Variants in FGF12 observed in about 807,000 individuals in gnomAD.
FGF12 encodes the protein fibroblast growth factor 12B.
Under a neutral mutation model 23.6 loss-of-function variants are expected in FGF12, and 14 were observed. That is an observed-to-expected ratio of 0.59 (90% CI 0.39 to 0.93). The LOEUF (loss-of-function observed/expected upper bound fraction) is 0.93, where lower values mean the gene tolerates loss of function less well. Among genes scored for constraint, FGF12 ranks in the 40% least tolerant of loss-of-function variants. The probability of loss-of-function intolerance (pLI) is 0.00; values close to 1 mark genes in which losing one functional copy is unlikely to be tolerated. For missense variants in FGF12, 175 were observed against 217.8 expected (o/e 0.80, Z 1.24); for synonymous variants, 62 against 77.3 (o/e 0.80, Z 1.04).
intron 2 of FGF12, among the ~76,000 whole-genome samples, chr3:192,567,795 T>TTCTTTCTTTC (rs1712402278): frequency 7.0e-6 from 1 of 141,994 alleles, no homozygotes; most frequent in African/African-American, 2.7e-5. Context: ...CTTTCTTTCT[T>TTCTTTCTTTC]TCTTTCTCTT....
intron 4 of FGF12, among the ~76,000 whole-genome samples, chr3:192,307,596 C>A (rs1399251872): frequency 6.6e-6 from 1 of 152,048 alleles, no homozygotes; most frequent in Non-Finnish European, 1.5e-5. Context: ...TAAAACAAAC[C>A]AAACAACAAT....
At chr3:192,656,308 CACACACACACACAG>C (rs754675433) in intron 2 of FGF12, among the ~76,000 whole-genome samples, 44 of 94,112 alleles carry the variant, frequency 4.7e-4, no homozygotes, top group Admixed American at 3.1e-3. Flanking sequence ...CACACACACA[CACACACACACACAG>C]AGAGAGAATT....
rs974881739 is a variant in FGF12, at chr3:192,140,171, CATATA to C, written c.*3833_*3837del. 21 of 152,114 alleles carry C rather than the reference CATATA, an allele frequency of 1.4e-4. No homozygotes were observed. The highest frequency in any genetic ancestry group is 2.6e-4 in the African/African-American group (11 of 41,532). The allele number at this position is 152,114 out of a possible 1,614,324, so 9.4% of individuals were successfully genotyped here. A position where few individuals can be genotyped will look rare whatever the true frequency, so the allele number is the denominator to read the frequency against. On this transcript the variant is annotated 3_prime_UTR_variant, in exon 6 of 6. Coordinates refer to ENST00000445105, the MANE Select transcript of FGF12 (RefSeq NM_004113.6). ...AAAGACCACAAATCAAATAAAAACT[CATATA>C]ATATATCCTTATTTCAGAAGCATAT... is the stretch of plus-strand genomic sequence containing the variant.
chr3:192,617,011 T>C (rs921763887), intron 2 of FGF12, among the ~76,000 whole-genome samples: 2 of 151,950 alleles, frequency 1.3e-5, no homozygotes, highest in Admixed American at 6.6e-5. Context: ...AGGTTAAAAG[T>C]ATATTTTTTC....
At chr3:192,202,315 A>C (rs971973265) in intron 4 of FGF12, among the ~76,000 whole-genome samples, 2 of 152,166 alleles carry the variant, frequency 1.3e-5, no homozygotes, top group African/African-American at 2.4e-5. Context: ...ATCTAAACAG[A>C]GTTTTGATGT....
At chr3:192,183,694 T>C (rs1228216606) in intron 4 of FGF12, among the ~76,000 whole-genome samples, 1 of 152,216 alleles carries the variant, frequency 6.6e-6, no homozygotes, top group Non-Finnish European at 1.5e-5. Flanking sequence ...GTCCTCATCA[T>C]AGAATCCTTG....
chr3:192,454,721 A>G (rs1722627147), intron 2 of FGF12, among the ~76,000 whole-genome samples: 2 of 152,194 alleles, frequency 1.3e-5, no homozygotes, highest in Middle Eastern at 3.2e-3. Flanking sequence ...ACACAAAACC[A>G]TTAGCGATAA....
At chr3:192,178,908 A>G (rs1716010772) in intron 4 of FGF12, among the ~76,000 whole-genome samples, 1 of 152,228 alleles carries the variant, frequency 6.6e-6, no homozygotes, top group Admixed American at 6.5e-5. Context: ...ATCTTCCAAC[A>G]CAATTTATAT....
chr3:192,707,761 AAG>A (rs1553848246), intron 2 of FGF12, among the ~76,000 whole-genome samples: 1 of 150,960 alleles, frequency 6.6e-6, no homozygotes, highest in African/African-American at 2.4e-5. Flanking sequence ...AAAAAAAAAA[AAG>A]AATGAGAACA....
Position 192,309,392 on chromosome 3 carries a change from T to A in FGF12, c.228+25969A>T, listed in dbSNP as rs935502959. Among the ~76,000 whole-genome samples, 9 of 152,290 alleles carry A rather than the reference T, an allele frequency of 5.9e-5. No homozygotes were observed. In the East Asian group the frequency reaches 1.7e-3, roughly 29 times the overall value. ...GAAACTGTGGCAACAAAAAACTCCA[T>A]CATCTCTGTGGAGGTACTGTTGGGT... On this transcript the variant is annotated intron_variant, in intron 4 of 5. Coordinates refer to ENST00000445105, the MANE Select transcript of FGF12 (RefSeq NM_004113.6).
In FGF12 at chr3:192,408,269, C is replaced by G. The variant is rs1224370354; in HGVS notation, c.14-47731G>C. 6.6e-7 allele frequency: 1 copy of G among 1,519,702 alleles called. No homozygotes were observed. Among genetic ancestry groups the G allele is most frequent in the East Asian group, 2.3e-5 (1 of 42,690 alleles). The allele number at this position is 1,519,702 out of a possible 1,614,324, so 94.1% of individuals were successfully genotyped here. A position where few individuals can be genotyped will look rare whatever the true frequency, so the allele number is the denominator to read the frequency against. On this transcript the variant is annotated intron_variant, in intron 2 of 5. Transcript: ENST00000445105. This position sits in a 1 kb window ranked among gnomAD's most constrained non-coding sequence, Gnocchi z 7.3. ...AGGCCCCAGCCTCTACTGCGCCCTC[C>G]GGCTTGCGCTCCGCCGGGGCGAGGG...
chr3:192,631,412 A>T (rs1715388325), intron 2 of FGF12, among the ~76,000 whole-genome samples: 1 of 152,230 alleles, frequency 6.6e-6, no homozygotes. Context: ...TCCCACAGCA[A>T]CTGTTTAACT....
At chr3:192,191,493 T>C (rs1455581930) in intron 4 of FGF12, among the ~76,000 whole-genome samples, 1 of 152,170 alleles carries the variant, frequency 6.6e-6, no homozygotes, top group Non-Finnish European at 1.5e-5. Flanking sequence ...ATATGGGATA[T>C]CTTTGTAACT....
intron 2 of FGF12, among the ~76,000 whole-genome samples, chr3:192,535,566 G>A (rs1333193975): frequency 6.6e-6 from 1 of 152,148 alleles, no homozygotes; most frequent in Non-Finnish European, 1.5e-5. Context: ...GCTGCAGTCT[G>A]AGGTATAGAA....
At chr3:192,284,234 T>G (rs1290744330) in intron 4 of FGF12, among the ~76,000 whole-genome samples, 2 of 152,130 alleles carry the variant, frequency 1.3e-5, no homozygotes, top group Non-Finnish European at 2.9e-5. Context: ...AAGTTCTTGA[T>G]GAGGAGGATC....
intron 2 of FGF12, among the ~76,000 whole-genome samples, chr3:192,526,154 T>C (rs1560139807): frequency 6.6e-6 from 1 of 152,196 alleles, no homozygotes; most frequent in African/African-American, 2.4e-5. Context: ...TCTTTCTTCT[T>C]CCAGTGAGTT....
intron 2 of FGF12, among the ~76,000 whole-genome samples, chr3:192,623,948 C>A (rs953309247): frequency 6.6e-6 from 1 of 152,164 alleles, no homozygotes; most frequent in Admixed American, 6.5e-5. Context: ...ACATGCTCGA[C>A]TGTATAATCA....
intron 2 of FGF12, among the ~76,000 whole-genome samples, chr3:192,390,809 A>C (rs1259175702): frequency 6.6e-6 from 1 of 152,252 alleles, no homozygotes. Flanking sequence ...CAAGATGGTC[A>C]GTATCAGAAA....
intron 4 of FGF12, among the ~76,000 whole-genome samples, chr3:192,196,454 G>C (rs1278264475): frequency 1.3e-5 from 2 of 152,012 alleles, no homozygotes; most frequent in Non-Finnish European, 2.9e-5. Flanking sequence ...ATAAACAATA[G>C]AGAGGTGAGA....
Sources: allele counts gnomAD v4.1 joint callset (sites outside exome capture counted in the v4.1 genomes callset), GRCh38; gene constraint gnomAD v4.1.1; non-coding constraint Gnocchi (gnomAD v3.1); transcripts MANE v1.5; gene names NCBI Gene and HGNC (gene_info 2026-07-23, HGNC 2026-07-21).